The following SHISA9 variants were observed in gnomAD, a reference collection of about 807,000 sequenced individuals.
SHISA9 encodes protein shisa-9.
A neutral mutation model predicts 38.0 loss-of-function variants in SHISA9; 13 were observed. The ratio of observed to expected loss-of-function variants is 0.34; its 90% CI spans 0.22 to 0.54. SHISA9 has a LOEUF of 0.54. Among genes scored for constraint, SHISA9 ranks in the 20% least tolerant of loss-of-function variants. The pLI, the probability that SHISA9 is intolerant of heterozygous loss-of-function variation, is 0.91. For synonymous variants in SHISA9, 275 were observed against 242.0 expected (o/e 1.14, Z -1.27); for missense variants, 538 against 575.8 (o/e 0.93, Z 0.67).
the SHISA9 span, among the ~76,000 whole-genome samples, chr16:13,421,818 C>T: frequency 6.6e-6 from 1 of 152,178 alleles, no homozygotes; most frequent in Admixed American, 6.5e-5. Context: ...TCTCATAAAA[C>T]CTCTTATGTG....
At chr16:12,924,410 T>C (rs1447530357) in intron 2 of SHISA9, among the ~76,000 whole-genome samples, 1 of 152,196 alleles carries the variant, frequency 6.6e-6, no homozygotes, top group Non-Finnish European at 1.5e-5. Context: ...TCTAGGACTC[T>C]TAGGATTTTG....
intron 2 of SHISA9, among the ~76,000 whole-genome samples, chr16:12,979,582 C>G (rs1215842363): frequency 6.6e-6 from 1 of 152,032 alleles, no homozygotes; most frequent in Non-Finnish European, 1.5e-5. Context: ...TATTGCTTCT[C>G]GTATAGTCTT....
chr16:13,259,307 C>T, the SHISA9 span, among the ~76,000 whole-genome samples: 34 of 152,184 alleles, frequency 2.2e-4, no homozygotes, highest in African/African-American at 8.0e-4. Context: ...GGCAGCTTTG[C>T]CCCTGTGGCT....
At chr16:13,433,813 C>T in the SHISA9 span, among the ~76,000 whole-genome samples, 6 of 152,336 alleles carry the variant, frequency 3.9e-5, no homozygotes, top group African/African-American at 1.4e-4. Context: ...CCAGGATAGG[C>T]AGCCCTGGTG....
intron 2 of SHISA9, among the ~76,000 whole-genome samples, chr16:13,116,279 A>C (rs1235635123): frequency 6.6e-6 from 1 of 152,188 alleles, no homozygotes; most frequent in Non-Finnish European, 1.5e-5. Context: ...GACATATATG[A>C]TACAGCATGA....
At chr16:13,255,681 G>A in the SHISA9 span, among the ~76,000 whole-genome samples, 1 of 152,032 alleles carries the variant, frequency 6.6e-6, no homozygotes, top group East Asian at 1.9e-4. Flanking sequence ...AATATTTCTT[G>A]AACATTAATT....
Position 13,240,070 on chromosome 16 carries a change from C to T in SHISA9, c.*4661C>T, listed in dbSNP as rs995164398. On this transcript the variant is annotated 3_prime_UTR_variant, in exon 5 of 5. Transcript: ENST00000558583. ...CCCTATTTTTTGCCTTTAGCTGTCC[C>T]CCAGTTTCCAACCCAATGGGACCAG... 8 of 152,318 alleles carry T rather than the reference C, an allele frequency of 5.3e-5. No homozygotes were observed. Among genetic ancestry groups the T allele is most frequent in the African/African-American group, 1.4e-4 (6 of 41,448 alleles). The allele number at this position is 152,318 out of a possible 1,614,324, so 9.4% of individuals were successfully genotyped here.
the SHISA9 span, among the ~76,000 whole-genome samples, chr16:13,552,058 TG>T: frequency 1.1e-4 from 16 of 151,630 alleles, no homozygotes; most frequent in African/African-American, 3.9e-4. Context: ...GGTAAAGAGG[TG>T]GGGACGCATT....
At chr16:13,330,401 T>C in the SHISA9 span, among the ~76,000 whole-genome samples, 47 of 152,342 alleles carry the variant, frequency 3.1e-4, no homozygotes, top group Non-Finnish European at 5.6e-4. Context: ...GATTTAAAAA[T>C]AGGTACTATA....
chr16:13,508,669 C>A, the SHISA9 span, among the ~76,000 whole-genome samples: 21 of 152,106 alleles, frequency 1.4e-4, no homozygotes, highest in African/African-American at 5.1e-4. Context: ...ATTTCAAAAT[C>A]CATTAAGCCT....
At chr16:13,535,252 T>C in the SHISA9 span, among the ~76,000 whole-genome samples, 34 of 152,056 alleles carry the variant, frequency 2.2e-4, no homozygotes, top group East Asian at 5.4e-3. Context: ...TCTCAAAAAA[T>C]AAATAAATAA....
chr16:12,936,290 A>G (rs1230271094), intron 2 of SHISA9, among the ~76,000 whole-genome samples: 9 of 152,136 alleles, frequency 5.9e-5, no homozygotes, highest in Admixed American at 5.9e-4. Context: ...GAAACTGGGG[A>G]TACTTGAGCA....
At chr16:13,467,687 G>A in the SHISA9 span, among the ~76,000 whole-genome samples, 1 of 152,168 alleles carries the variant, frequency 6.6e-6, no homozygotes, top group Admixed American at 6.5e-5. Flanking sequence ...GATCTCTAAT[G>A]ATATTCTCCA....
the SHISA9 span, among the ~76,000 whole-genome samples, chr16:13,394,928 G>GGGGT: frequency 0.012 from 1,616 of 139,502 alleles, 24 homozygotes; most frequent in African/African-American, 0.035. Context: ...CAGTATCTGG[G>GGGGT]GTGTGTGTGT....
At chr16:13,043,993 T>C (rs533814684) in intron 2 of SHISA9, among the ~76,000 whole-genome samples, 105 of 152,198 alleles carry the variant, frequency 6.9e-4, no homozygotes, top group Non-Finnish European at 1.2e-3. Context: ...TTTGTATCAC[T>C]TTCCAGAACT....
At chr16:13,370,531 G>A in the SHISA9 span, among the ~76,000 whole-genome samples, 4 of 152,144 alleles carry the variant, frequency 2.6e-5, no homozygotes, top group Non-Finnish European at 5.9e-5. Flanking sequence ...ACCGACTTAC[G>A]AAGGCATTGC....
At chr16:13,171,055 C>T (rs968261044) in intron 2 of SHISA9, among the ~76,000 whole-genome samples, 1 of 152,226 alleles carries the variant, frequency 6.6e-6, no homozygotes, top group Non-Finnish European at 1.5e-5. Context: ...GTGCTGGCAT[C>T]TGCTTCTGGT....
the SHISA9 span, among the ~76,000 whole-genome samples, chr16:13,429,419 G>A: frequency 1.3e-3 from 201 of 152,188 alleles, 2 homozygotes; most frequent in African/African-American, 4.8e-3. Context: ...CTTGTCTTCT[G>A]CTGCATTACC....
the SHISA9 span, among the ~76,000 whole-genome samples, chr16:13,408,329 G>T: frequency 6.6e-6 from 1 of 152,064 alleles, no homozygotes. Context: ...AGCCACAGCA[G>T]GTTACAAATA....
Sources: allele counts gnomAD v4.1 joint callset (sites outside exome capture counted in the v4.1 genomes callset), GRCh38; gene constraint gnomAD v4.1.1; transcripts MANE v1.5; gene names NCBI Gene and HGNC (gene_info 2026-07-23, HGNC 2026-07-21).